SOX6: variants seen among roughly 807,000 people sequenced by gnomAD.
The protein encoded by SOX6 is transcription factor SOX-6.
A neutral mutation model predicts 97.8 loss-of-function variants in SOX6; 11 were observed. That is an observed-to-expected ratio of 0.11 (90% confidence interval 0.07 to 0.19). The LOEUF is 0.19. Ranked by LOEUF, SOX6 falls within the 10% of genes least tolerant of loss-of-function variation. The pLI, the probability that SOX6 is intolerant of heterozygous loss-of-function variation, is 1.00. For synonymous variants in SOX6, 360 were observed against 371.4 expected (o/e 0.97, Z 0.35); for missense variants, 810 against 1,039.5 (o/e 0.78, Z 3.04).
At chr11:16,359,799 T>G (rs981180477), upstream of SOX6, among the ~76,000 whole-genome samples, 7 of 152,188 alleles carry the variant, frequency 4.6e-5, no homozygotes, top group Non-Finnish European at 8.8e-5. Context: ...AATAACAACC[T>G]AATGGCTAAT....
At chr11:16,323,308 C>G (rs1157341500) in intron 2 of SOX6, among the ~76,000 whole-genome samples, 1 of 151,758 alleles carries the variant, frequency 6.6e-6, no homozygotes, top group Non-Finnish European at 1.5e-5. Flanking sequence ...TCCATATCGG[C>G]AAAAATAGAA....
chr11:16,110,720 A>G (rs1023123989), intron 7 of SOX6, among the ~76,000 whole-genome samples: 1 of 152,200 alleles, frequency 6.6e-6, no homozygotes, highest in African/African-American at 2.4e-5. Flanking sequence ...CAAATACAAA[A>G]GAGTAATCAC....
rs1019781479 is a variant in SOX6, at chr11:16,712,530, T to C, written n.429+2300A>G. On this transcript the variant is annotated intron_variant and non_coding_transcript_variant, in intron 3 of 5. Coordinates refer to the SOX6 transcript ENST00000524520. ...GTTGAGCATTTTTTCATATGTTTGT[T>C]AGCCATTTGTATATCTTCTTTTGAG... Among the ~76,000 whole-genome samples the C allele has an allele frequency of 2.6e-5, 4 of 152,226 alleles. No homozygotes were observed. In the East Asian group the frequency reaches 7.7e-4, roughly 29 times the overall value.
At chr11:16,498,050 T>C (rs1481667987) in intron 4 of SOX6, among the ~76,000 whole-genome samples, 1 of 152,022 alleles carries the variant, frequency 6.6e-6, no homozygotes, top group Non-Finnish European at 1.5e-5. Context: ...GGAAAAAATA[T>C]TAAGCGAAGC....
intron 2 of SOX6, among the ~76,000 whole-genome samples, chr11:16,716,411 C>T (rs1358849034): frequency 1.3e-5 from 2 of 152,090 alleles, no homozygotes; most frequent in African/African-American, 4.8e-5. Flanking sequence ...ATTAGTAAGG[C>T]TGGTCAGTAT....
At chr11:16,504,371 C>T (rs1465220528) in intron 4 of SOX6, among the ~76,000 whole-genome samples, 1 of 152,086 alleles carries the variant, frequency 6.6e-6, no homozygotes, top group Non-Finnish European at 1.5e-5. Context: ...ACTCTTACAT[C>T]TGACCAACAA....
rs189757072 is a variant in SOX6 at position 16,535,931 on chromosome 11, T to C, written n.610-59543A>G. ...GTCAATATCTTCTTCTCTCAAAATA[T>C]TTGGTTAGATAAGTTATTTTTAGTA... On this transcript the variant is annotated intron_variant and non_coding_transcript_variant, in intron 4 of 5. Coordinates refer to the SOX6 transcript ENST00000524520. 6.6e-5 allele frequency among the ~76,000 whole-genome samples: 10 copies of C among 152,316 alleles called. No homozygotes were observed. The East Asian group carries it at 1.9e-3, about 29-fold the overall frequency.
intron 9 of SOX6, among the ~76,000 whole-genome samples, chr11:16,064,215 G>C: frequency 6.6e-6 from 1 of 151,516 alleles, no homozygotes; most frequent in East Asian, 1.9e-4. Flanking sequence ...AAGATAAAAA[G>C]AAGAACTATG....
At chr11:16,153,937 C>A (rs1057417790) in intron 6 of SOX6, among the ~76,000 whole-genome samples, 11 of 152,066 alleles carry the variant, frequency 7.2e-5, no homozygotes, top group Non-Finnish European at 1.5e-4. Flanking sequence ...CTAAACCAAG[C>A]ATAATTCTAA....
chr11:16,133,989 T>A (rs1849889645), intron 6 of SOX6, among the ~76,000 whole-genome samples: 1 of 152,192 alleles, frequency 6.6e-6, no homozygotes, highest in Non-Finnish European at 1.5e-5. Flanking sequence ...CCAACTATTA[T>A]ACAGTTTTAA....
intron 3 of SOX6, among the ~76,000 whole-genome samples, chr11:16,664,151 CA>C (rs1847787262): frequency 6.6e-6 from 1 of 152,122 alleles, no homozygotes; most frequent in African/African-American, 2.4e-5. Context: ...AGGAAGCCTC[CA>C]CTCTTCATCC....
At chr11:16,385,537 TAAAAG>T (rs1857957889) in intron 1 of SOX6, among the ~76,000 whole-genome samples, 1 of 152,080 alleles carries the variant, frequency 6.6e-6, no homozygotes, top group African/African-American at 2.4e-5. Flanking sequence ...TTCCATCACT[TAAAAG>T]AAAAACTTTT....
At chr11:16,160,472 C>T (rs1027656311) in intron 6 of SOX6, among the ~76,000 whole-genome samples, 11 of 152,028 alleles carry the variant, frequency 7.2e-5, no homozygotes, top group African/African-American at 2.7e-4. Context: ...TAACACATGC[C>T]CATATATACC....
At chr11:16,638,474 G>C (rs1012759792) in intron 3 of SOX6, among the ~76,000 whole-genome samples, 1 of 152,124 alleles carries the variant, frequency 6.6e-6, no homozygotes, top group African/African-American at 2.4e-5. Flanking sequence ...TCTAGTTCTA[G>C]ATCCCTGAGG....
At chr11:16,675,383 T>G (rs1847877111) in intron 3 of SOX6, among the ~76,000 whole-genome samples, 1 of 152,190 alleles carries the variant, frequency 6.6e-6, no homozygotes, top group African/African-American at 2.4e-5. Context: ...ACTCCTGGCC[T>G]CAAGTGATCC....
chr11:16,279,193 C>T (rs1252800055), intron 3 of SOX6, among the ~76,000 whole-genome samples: 2 of 151,924 alleles, frequency 1.3e-5, no homozygotes, highest in African/African-American at 4.8e-5. Flanking sequence ...TGGATACACC[C>T]TAAATGTTAC....
At chr11:16,664,760 A>G (rs1249682258) in intron 3 of SOX6, among the ~76,000 whole-genome samples, 1 of 152,048 alleles carries the variant, frequency 6.6e-6, no homozygotes, top group Admixed American at 6.6e-5. Context: ...AACCACAGGC[A>G]GTGCAGCCCA....
chr11:16,055,662 T>G (rs1271614953), intron 10 of SOX6, 90 bp downstream of exon 10: 5 of 1,519,594 alleles, frequency 3.3e-6, no homozygotes, highest in Middle Eastern at 1.7e-4. Flanking sequence ...CTATGTTTCC[T>G]GCTGTTTATG....
At chr11:16,458,448 G>A (rs2133103654) in intron 1 of SOX6, among the ~76,000 whole-genome samples, 1 of 151,988 alleles carries the variant, frequency 6.6e-6, no homozygotes, top group East Asian at 1.9e-4. Context: ...AAAGTAATAT[G>A]GGTACAAAGA....
Sources: allele counts gnomAD v4.1 joint callset (sites outside exome capture counted in the v4.1 genomes callset), GRCh38; gene constraint gnomAD v4.1.1; transcripts MANE v1.5; gene names NCBI Gene and HGNC (gene_info 2026-07-23, HGNC 2026-07-21).